The following GPATCH2 variants were observed in gnomAD, a reference collection of about 807,000 sequenced individuals.
The protein encoded by GPATCH2 is G-patch domain containing 2.
GPATCH2 carries 51 observed loss-of-function variants against 58.0 expected under a neutral mutation model. The ratio of observed to expected loss-of-function variants is 0.88; its 90% CI spans 0.70 to 1.11. GPATCH2 has a LOEUF of 1.11. GPATCH2 is among the 50% of genes most tolerant of loss of function. The pLI is 0.00. For missense variants in GPATCH2, 625 were observed against 652.2 expected (o/e 0.96, Z 0.45); for synonymous variants, 222 against 218.5 (o/e 1.02, Z -0.14).
At chr1:217,607,415 C>A (rs962332184) in intron 5 of GPATCH2, among the ~76,000 whole-genome samples, 2 of 151,930 alleles carry the variant, frequency 1.3e-5, no homozygotes, top group Admixed American at 1.3e-4. Flanking sequence ...TTTTAAATAG[C>A]CCCTTGTATA....
chr1:217,599,994 C>A (rs1271033956), intron 5 of GPATCH2, among the ~76,000 whole-genome samples: 2 of 151,982 alleles, frequency 1.3e-5, no homozygotes, highest in African/African-American at 4.8e-5. Context: ...CAAGTAGATA[C>A]CATTAAATGT....
At chr1:217,451,571 T>C (rs1399135993) in intron 8 of GPATCH2, among the ~76,000 whole-genome samples, 1 of 152,222 alleles carries the variant, frequency 6.6e-6, no homozygotes, top group African/African-American at 2.4e-5. Context: ...CTTTAACACA[T>C]ACCCACTTTA....
intron 6 of GPATCH2, 68 bp downstream of exon 6, chr1:217,514,754 C>A: frequency 2.8e-6 from 2 of 706,556 alleles, no homozygotes; most frequent in Non-Finnish European, 2.6e-6. Flanking sequence ...CTAGTAGTAG[C>A]TAATAATTTC....
intron 5 of GPATCH2, among the ~76,000 whole-genome samples, chr1:217,603,282 T>C (rs1003718845): frequency 7.9e-5 from 12 of 152,124 alleles, no homozygotes; most frequent in African/African-American, 2.9e-4. Context: ...GAAAAATATG[T>C]TGTCAATTTT....
chr1:217,608,861 G>A (rs993518657), intron 5 of GPATCH2: 2 of 984,458 alleles, frequency 2.0e-6, no homozygotes, highest in Admixed American at 6.2e-5. Flanking sequence ...GAGACTCAAA[G>A]TTGCATTTTA....
chr1:217,517,909 A>G (rs1663246996), intron 5 of GPATCH2, among the ~76,000 whole-genome samples: 1 of 152,132 alleles, frequency 6.6e-6, no homozygotes, highest in African/African-American at 2.4e-5. Flanking sequence ...TTCATGAGAA[A>G]CAGTATCTCC....
At chr1:217,534,577 A>G (rs1441200244) in intron 5 of GPATCH2, among the ~76,000 whole-genome samples, 1 of 25,772 alleles carries the variant, frequency 3.9e-5, no homozygotes, top group Non-Finnish European at 1.7e-4. Flanking sequence ...AGTCTGTGAA[A>G]AAAAAAAAAA....
At chr1:217,605,595 T>C (rs1286513919) in intron 5 of GPATCH2, among the ~76,000 whole-genome samples, 3 of 152,204 alleles carry the variant, frequency 2.0e-5, no homozygotes, top group Non-Finnish European at 4.4e-5. Context: ...AGCTGAGTCA[T>C]TTATTTCCTG....
chr1:217,579,407 A>G (rs1666954540), intron 5 of GPATCH2, among the ~76,000 whole-genome samples: 1 of 152,290 alleles, frequency 6.6e-6, no homozygotes, highest in Admixed American at 6.5e-5. Context: ...AATAAATTTA[A>G]CTTGCCCTGC....
At chr1:217,529,308 A>C (rs1045260192) in intron 5 of GPATCH2, among the ~76,000 whole-genome samples, 1 of 152,154 alleles carries the variant, frequency 6.6e-6, no homozygotes, top group African/African-American at 2.4e-5. Flanking sequence ...GGTCCCTGGC[A>C]TAATGGTATT....
rs1210546588 is a variant in GPATCH2, at chr1:217,604,499, A to G, written c.1098+5822T>C. Among the ~76,000 whole-genome samples the G allele has an allele frequency of 3.3e-5, 5 of 152,220 alleles. No homozygotes were observed. In the East Asian group the frequency reaches 7.7e-4, roughly 23 times the overall value. Reference sequence around the variant, plus strand: ...AAAACACTTTCTTCTTGTATTCTCCAAAGTATCCCAAAATGTCTTATGGAT... The same window carrying G: ...AAAACACTTTCTTCTTGTATTCTCCGAAGTATCCCAAAATGTCTTATGGAT... On this transcript the variant is annotated intron_variant, in intron 5 of 9. Transcript: ENST00000366935.
At chr1:217,493,237 T>C (rs1389759538) in intron 7 of GPATCH2, among the ~76,000 whole-genome samples, 1 of 152,190 alleles carries the variant, frequency 6.6e-6, no homozygotes, top group Non-Finnish European at 1.5e-5. Flanking sequence ...AATCTAATTA[T>C]ATGACTCTAT....
chr1:217,601,467 C>T (rs897909654), intron 5 of GPATCH2, among the ~76,000 whole-genome samples: 2 of 151,640 alleles, frequency 1.3e-5, no homozygotes, highest in Admixed American at 6.6e-5. Flanking sequence ...TAAAGCTGTA[C>T]CTGGTAAACA....
At chr1:217,587,693 T>C (rs992421302) in intron 5 of GPATCH2, among the ~76,000 whole-genome samples, 10 of 152,102 alleles carry the variant, frequency 6.6e-5, no homozygotes, top group Admixed American at 5.2e-4. Flanking sequence ...GTAGTACAGA[T>C]GGAAAGGAGA....
Position 217,458,305 on chromosome 1 carries a change from A to G in GPATCH2, c.1278-8968T>C, listed in dbSNP as rs1408495055. Reference sequence around the variant, plus strand: ...AAAGCCTAGAGGGACTGCTAGTCCAATGATATCATTCCTTGTGTATGTTAA... The same window carrying G: ...AAAGCCTAGAGGGACTGCTAGTCCAGTGATATCATTCCTTGTGTATGTTAA... On this transcript the variant is annotated intron_variant, in intron 8 of 9. Coordinates refer to ENST00000366935, the MANE Select transcript of GPATCH2 (RefSeq NM_018040.5). Among the ~76,000 whole-genome samples, 3 of 152,184 alleles carry G rather than the reference A, an allele frequency of 2.0e-5. No individual in the cohort carries two copies. The East Asian group carries it at 5.8e-4, about 29-fold the overall frequency.
intron 5 of GPATCH2, chr1:217,608,849 A>G: frequency 1.0e-6 from 1 of 984,652 alleles, no homozygotes; most frequent in Non-Finnish European, 1.2e-6. Context: ...TGCAAAGGTA[A>G]AGAGACTCAA....
chr1:217,511,858 T>C (rs1022735617), intron 6 of GPATCH2, among the ~76,000 whole-genome samples: 1 of 152,044 alleles, frequency 6.6e-6, no homozygotes, highest in Non-Finnish European at 1.5e-5. Context: ...TATACAGCGT[T>C]GCCTGTATAC....
intron 6 of GPATCH2, among the ~76,000 whole-genome samples, chr1:217,511,841 T>TG (rs1558446027): frequency 9.9e-5 from 13 of 131,700 alleles, no homozygotes; most frequent in Admixed American, 3.1e-4. Flanking sequence ...GTGTGTGTGT[T>TG]TGTGTCTATA....
chr1:217,544,687 G>A (rs756613258), intron 5 of GPATCH2, among the ~76,000 whole-genome samples: 2 of 152,110 alleles, frequency 1.3e-5, no homozygotes, highest in South Asian at 2.1e-4. Flanking sequence ...TAGTGATCTC[G>A]CTCTTCGGTT....
Sources: allele counts gnomAD v4.1 joint callset (sites outside exome capture counted in the v4.1 genomes callset), GRCh38; gene constraint gnomAD v4.1.1; transcripts MANE v1.5; gene names NCBI Gene and HGNC (gene_info 2026-07-23, HGNC 2026-07-21).